Variants in RGS6 observed in about 807,000 individuals in gnomAD.
RGS6 encodes the protein regulator of G-protein signaling 6.
A neutral mutation model predicts 78.5 loss-of-function variants in RGS6; 30 were observed. The observed-to-expected ratio is 0.38, with a 90% confidence interval of 0.29 to 0.52. The LOEUF (loss-of-function observed/expected upper bound fraction) is 0.52, where lower values mean the gene tolerates loss of function less well. Ranked by LOEUF, RGS6 falls within the 20% of genes least tolerant of loss-of-function variation. RGS6 has a pLI of 0.85. For synonymous variants in RGS6, 206 were observed against 206.0 expected (o/e 1.00, Z 0.00); for missense variants, 495 against 609.7 (o/e 0.81, Z 1.98).
chr14:71,983,727 A>G (rs920579413), intron 2 of RGS6, among the ~76,000 whole-genome samples: 8 of 152,182 alleles, frequency 5.3e-5, no homozygotes, highest in Admixed American at 5.2e-4. Context: ...CTACATCCCC[A>G]TACCCCCAAT....
At chr14:72,256,298 G>C (rs1287943918) in intron 2 of RGS6, among the ~76,000 whole-genome samples, 3 of 152,166 alleles carry the variant, frequency 2.0e-5, no homozygotes, top group African/African-American at 4.8e-5. Context: ...AGGACCAGTT[G>C]AGTCAGTTCC....
At chr14:72,055,376 C>T (rs1311185325) in intron 2 of RGS6, among the ~76,000 whole-genome samples, 3 of 151,774 alleles carry the variant, frequency 2.0e-5, no homozygotes, top group African/African-American at 7.3e-5. Context: ...TTTTATCTAT[C>T]CCTTAGGAAA....
At chr14:72,288,516 T>C (rs2062997995) in intron 2 of RGS6, among the ~76,000 whole-genome samples, 1 of 152,098 alleles carries the variant, frequency 6.6e-6, no homozygotes, top group Non-Finnish European at 1.5e-5. Context: ...ATAAGCTAAG[T>C]AGTCTGTCAG....
At chr14:72,554,352 A>ATAACT (rs2097543147) in intron 17 of RGS6, among the ~76,000 whole-genome samples, 1 of 152,240 alleles carries the variant, frequency 6.6e-6, no homozygotes, top group Non-Finnish European at 1.5e-5. Flanking sequence ...TGCCAACCAA[A>ATAACT]TAACTTTCTC....
chr14:72,619,837 A>G, the RGS6 span: 1 of 1,400,500 alleles, frequency 7.1e-7, no homozygotes, highest in Non-Finnish European at 9.6e-7. Flanking sequence ...CCATAGTGAG[A>G]GCTCAGTAAG....
chr14:71,881,510 GT>G, the RGS6 span, among the ~76,000 whole-genome samples: 1 of 152,204 alleles, frequency 6.6e-6, no homozygotes, highest in African/African-American at 2.4e-5. Flanking sequence ...CCCCCATACT[GT>G]TCTCATGGTA....
At chr14:72,160,658 T>G (rs954218511) in intron 2 of RGS6, among the ~76,000 whole-genome samples, 1 of 152,178 alleles carries the variant, frequency 6.6e-6, no homozygotes, top group Non-Finnish European at 1.5e-5. Flanking sequence ...TTGTTGTCTT[T>G]ACAAGAAGAA....
intron 2 of RGS6, among the ~76,000 whole-genome samples, chr14:72,156,792 T>C (rs966863507): frequency 2.6e-5 from 4 of 152,212 alleles, no homozygotes; most frequent in Non-Finnish European, 5.9e-5. Context: ...TGCAGCCTGA[T>C]TGGCGTGCCC....
intron 2 of RGS6, among the ~76,000 whole-genome samples, chr14:72,203,019 C>T (rs890937169): frequency 3.3e-5 from 5 of 151,920 alleles, no homozygotes; most frequent in East Asian, 1.9e-4. Flanking sequence ...AGACTACAGG[C>T]GCCCGCCACC....
In RGS6 at chr14:72,564,357, C is replaced by A. The variant is rs2097700234; in HGVS notation, c.*1890C>A. On this transcript the variant is annotated 3_prime_UTR_variant, in exon 18 of 18. Transcript: ENST00000553525. ...CACATGCTCAGCACAGAGGCTGGTA[C>A]TTTGGAGGCACTAACCACTTGATGA... 6.6e-6 allele frequency: 1 copy of A among 152,244 alleles called. No homozygotes were observed. The highest frequency in any genetic ancestry group is 2.4e-5 in the African/African-American group (1 of 41,454). The allele number at this position is 152,244 out of a possible 1,614,324, so 9.4% of individuals were successfully genotyped here.
chr14:72,248,145 G>A (rs978226997), intron 2 of RGS6, among the ~76,000 whole-genome samples: 2 of 152,268 alleles, frequency 1.3e-5, no homozygotes, highest in Non-Finnish European at 2.9e-5. Flanking sequence ...CAGGGGTTCT[G>A]TAAGGTCAAA....
At chr14:72,068,769 A>G (rs925973143) in intron 2 of RGS6, among the ~76,000 whole-genome samples, 2 of 152,028 alleles carry the variant, frequency 1.3e-5, no homozygotes, top group Middle Eastern at 3.4e-3. Context: ...TGCTGGGATT[A>G]CAGGTGTGAG....
Position 72,210,176 on chromosome 14 carries a change from G to A in RGS6, c.85-141919G>A, listed in dbSNP as rs77109116. 1.8e-3 allele frequency among the ~76,000 whole-genome samples: 273 copies of A among 152,238 alleles called. 2 individuals carry two copies. The highest frequency in any genetic ancestry group is 6.1e-3 in the African/African-American group (254 of 41,564). ...AAGTGTTCAAAAACTTGGTTGGCCC[G>A]TGTGGGTTGAGGATTAATCCGTTAG... On this transcript the variant is annotated intron_variant, in intron 2 of 17. Coordinates refer to ENST00000553525, the MANE Select transcript of RGS6 (RefSeq NM_001204424.2).
chr14:72,512,803 C>T (rs559881069), intron 14 of RGS6, among the ~76,000 whole-genome samples: 27 of 152,328 alleles, frequency 1.8e-4, no homozygotes, highest in Admixed American at 2.6e-4. Flanking sequence ...GCCTTTTCCC[C>T]GTTCCATTGC....
chr14:72,432,726 G>A (rs978745584), intron 3 of RGS6, among the ~76,000 whole-genome samples: 11 of 152,286 alleles, frequency 7.2e-5, no homozygotes, highest in African/African-American at 2.6e-4. Flanking sequence ...AGAAAGTGTG[G>A]ATGAGTGGGA....
chr14:72,447,890 GTCAGGGTT>G (rs889807251), intron 3 of RGS6, among the ~76,000 whole-genome samples: 31 of 152,260 alleles, frequency 2.0e-4, no homozygotes, highest in African/African-American at 7.5e-4. Flanking sequence ...TTTTAGTAGA[GTCAGGGTT>G]TCACCATGTT....
At chr14:72,423,646 A>C (rs1381378390) in intron 3 of RGS6, among the ~76,000 whole-genome samples, 2 of 138,426 alleles carry the variant, frequency 1.4e-5, no homozygotes, top group Non-Finnish European at 1.6e-5. Flanking sequence ...CGAAGATAAT[A>C]GTAACTGACA....
intron 2 of RGS6, among the ~76,000 whole-genome samples, chr14:72,242,266 G>C (rs1220768845): frequency 2.0e-5 from 3 of 152,148 alleles, no homozygotes; most frequent in Non-Finnish European, 4.4e-5. Flanking sequence ...GGTGCTCTTG[G>C]GCTTTTCAGT....
At chr14:72,453,429 A>C (rs941476349) in intron 3 of RGS6, among the ~76,000 whole-genome samples, 83 of 150,638 alleles carry the variant, frequency 5.5e-4, no homozygotes, top group Middle Eastern at 3.4e-3. Context: ...TCCCGGCTAA[A>C]ACGGTGAAAC....
Sources: gnomAD v4.1 joint callset for allele counts (sites outside exome capture counted in the v4.1 genomes callset) on GRCh38, gnomAD v4.1.1 for gene constraint, MANE v1.5 for transcripts, NCBI Gene and HGNC (gene_info 2026-07-23, HGNC 2026-07-21) for gene names.